STX2: variants seen among roughly 807,000 people sequenced by gnomAD.
STX2 encodes the protein syntaxin 2, also known as syntaxin-2.
Under a neutral mutation model 40.6 loss-of-function variants are expected in STX2, and 27 were observed. The ratio of observed to expected loss-of-function variants is 0.66; its 90% confidence interval spans 0.49 to 0.92. The LOEUF is 0.92. Among genes scored for constraint, STX2 ranks in the 40% least tolerant of loss-of-function variants. The pLI is 0.00. For missense variants in STX2, 328 were observed against 366.1 expected (o/e 0.90, Z 0.85); for synonymous variants, 123 against 119.1 (o/e 1.03, Z -0.22).
intron 10 of STX2, among the ~76,000 whole-genome samples, chr12:130,792,632 T>TA (rs1201393183): frequency 6.6e-6 from 1 of 152,120 alleles, no homozygotes; most frequent in African/African-American, 2.4e-5. Context: ...CCCAGCTAAT[T>TA]AAAAAATATG....
intron 1 of STX2, among the ~76,000 whole-genome samples, chr12:130,833,383 C>A (rs1234268942): frequency 6.6e-6 from 1 of 151,542 alleles, no homozygotes; most frequent in Non-Finnish European, 1.5e-5. Context: ...ACTACGTGCC[C>A]TCAAAGCCTG....
intron 3 of STX2, among the ~76,000 whole-genome samples, chr12:130,818,619 G>A (rs1351689426): frequency 3.3e-5 from 5 of 151,652 alleles, no homozygotes; most frequent in African/African-American, 1.2e-4. Flanking sequence ...ATTTCCCGCG[G>A]AAAAGCACAG....
intron 5 of STX2, 72 bp downstream of exon 5, chr12:130,808,557 CAG>C (rs1184677845): frequency 1.6e-6 from 2 of 1,256,702 alleles, no homozygotes; most frequent in African/African-American, 1.5e-5. Flanking sequence ...TGAAATTATT[CAG>C]AGTCTGCAAG....
intron 10 of STX2, among the ~76,000 whole-genome samples, chr12:130,795,443 A>G (rs1950998493): frequency 6.6e-6 from 1 of 152,242 alleles, no homozygotes; most frequent in African/African-American, 2.4e-5. Context: ...TAATGGTCTT[A>G]GATCAAAAAC....
At chr12:130,811,482 A>G (rs1302545365) in intron 4 of STX2, among the ~76,000 whole-genome samples, 2 of 151,438 alleles carry the variant, frequency 1.3e-5, no homozygotes, top group East Asian at 3.9e-4. Context: ...CTTATTTAAA[A>G]TTTTACTGAA....
At chr12:130,838,330 G>A (rs994928177) in intron 1 of STX2, among the ~76,000 whole-genome samples, 6 of 152,186 alleles carry the variant, frequency 3.9e-5, no homozygotes, top group Middle Eastern at 6.3e-3. Flanking sequence ...CGTGTAGAAT[G>A]CATCGAAATC....
chr12:130,798,466 T>C (rs1451611498), intron 9 of STX2, 59 bp downstream of exon 9: 2 of 1,295,222 alleles, frequency 1.5e-6, no homozygotes, highest in Non-Finnish European at 2.2e-6. Context: ...ATCAATGTAT[T>C]ACAACTTGAA....
intron 6 of STX2, among the ~76,000 whole-genome samples, chr12:130,806,455 A>T (rs754561148): frequency 6.6e-6 from 1 of 152,124 alleles, no homozygotes; most frequent in Non-Finnish European, 1.5e-5. Context: ...CAGCTGAAGG[A>T]CCCGAGCTTG....
At chr12:130,830,225 C>T (rs1593189682) in intron 1 of STX2, among the ~76,000 whole-genome samples, 1 of 152,188 alleles carries the variant, frequency 6.6e-6, no homozygotes, top group South Asian at 2.1e-4. Flanking sequence ...GAGGCTGCAC[C>T]TGCAGCTCCA....
chr12:130,815,829 G>T (rs904250451), intron 3 of STX2, among the ~76,000 whole-genome samples: 3 of 152,160 alleles, frequency 2.0e-5, no homozygotes, highest in Non-Finnish European at 4.4e-5. Flanking sequence ...ACTTCAATAT[G>T]TAAGTTACTT....
intron 2 of STX2, among the ~76,000 whole-genome samples, chr12:130,826,492 C>A (rs1365545989): frequency 7.9e-5 from 12 of 152,248 alleles, no homozygotes; most frequent in Admixed American, 3.9e-4. Context: ...CCGGCCCCAA[C>A]CCACGCGGAG....
intron 1 of STX2, among the ~76,000 whole-genome samples, chr12:130,838,482 ACAAGCTGCTGTT>A (rs1269507110): frequency 6.6e-6 from 1 of 152,180 alleles, no homozygotes; most frequent in African/African-American, 2.4e-5. Flanking sequence ...GAGATCAGAC[ACAAGCTGCTGTT>A]CGCGCTCGCC....
chr12:130,805,550 C>T (rs1951399784), intron 6 of STX2, among the ~76,000 whole-genome samples: 1 of 152,166 alleles, frequency 6.6e-6, no homozygotes, highest in Admixed American at 6.6e-5. Flanking sequence ...GAGTGCTGAC[C>T]AGCATGCCAG....
At chr12:130,824,014 C>T (rs1159203302) in intron 2 of STX2, among the ~76,000 whole-genome samples, 3 of 152,214 alleles carry the variant, frequency 2.0e-5, no homozygotes, top group Non-Finnish European at 2.9e-5. Context: ...GCTTTGACCA[C>T]AGAATCCTCT....
At chr12:130,827,131 G>A in intron 2 of STX2, 62 bp downstream of exon 2, 2 of 699,212 alleles carry the variant, frequency 2.9e-6, no homozygotes, top group Non-Finnish European at 4.4e-6. Context: ...GGAGGGAGGG[G>A]TGGGGGGAGG....
At chr12:130,812,790 C>G (rs1951709138) in intron 4 of STX2, among the ~76,000 whole-genome samples, 167 bp downstream of exon 4, 1 of 152,088 alleles carries the variant, frequency 6.6e-6, no homozygotes, top group Non-Finnish European at 1.5e-5. Context: ...AAACACATAA[C>G]CTTTTTGAAT....
chr12:130,804,778 A>T (rs974288400), intron 6 of STX2, among the ~76,000 whole-genome samples: 1 of 152,022 alleles, frequency 6.6e-6, no homozygotes, highest in African/African-American at 2.4e-5. Flanking sequence ...AGGAATTACT[A>T]AAAAAAACTC....
At chr12:130,820,156 G>A (rs1257233164) in intron 3 of STX2, among the ~76,000 whole-genome samples, 5 of 152,206 alleles carry the variant, frequency 3.3e-5, no homozygotes, top group Non-Finnish European at 4.4e-5. Flanking sequence ...CTGTACTGGA[G>A]GTCAGCTAAA....
chr12:130,808,701 A>T lies in STX2; in HGVS notation c.284T>A (p.Ile95Asn). Residue 95 changes from isoleucine (I) to asparagine (N), a missense_variant, in exon 5 of 11, where the codon ATT becomes AAT. Transcript: ENST00000392373. ...ANKIRAKLKA[I>N]EQSFDQDESG... ...CTCATCCTGATCAAAACTTTGTTCA[A>T]TAGCTAGGAACAAATAGGAAATAAT... 1.2e-6 allele frequency: 2 copies of T among 1,610,336 alleles called. No homozygotes were observed. The highest frequency in any genetic ancestry group is 1.7e-6 in the Non-Finnish European group (2 of 1,178,584).
Sources: gnomAD v4.1 joint callset for allele counts (sites outside exome capture counted in the v4.1 genomes callset) on GRCh38, gnomAD v4.1.1 for gene constraint, MANE v1.5 for transcripts, NCBI Gene and HGNC (gene_info 2026-07-23, HGNC 2026-07-21) for gene names.